ITGA11: variants seen among roughly 807,000 people sequenced by gnomAD.
ITGA11 encodes integrin subunit alpha 11.
Under a neutral mutation model 141.9 loss-of-function variants are expected in ITGA11, and 97 were observed. That is an observed-to-expected ratio of 0.68 (90% CI 0.58 to 0.81). The LOEUF is 0.81. Ranked by LOEUF, ITGA11 falls within the 30% of genes least tolerant of loss-of-function variation. The pLI is 0.00. For missense variants in ITGA11, 1,387 were observed against 1,559.2 expected (o/e 0.89, Z 1.86); for synonymous variants, 658 against 624.6 (o/e 1.05, Z -0.80).
In ITGA11 at chr15:68,304,132, C is replaced by G. The variant is rs1056038511; in HGVS notation, c.3382-247G>C. Among the ~76,000 whole-genome samples, 2 of 152,156 alleles carry G rather than the reference C, an allele frequency of 1.3e-5. No homozygotes were observed. Among genetic ancestry groups the G allele is most frequent in the African/African-American group, 4.8e-5 (2 of 41,444 alleles). On this transcript the variant is annotated intron_variant, in intron 28 of 29. Coordinates refer to ENST00000315757, the MANE Select transcript of ITGA11 (RefSeq NM_001004439.2). The surrounding 1 kb of genome is among the most constrained non-coding windows in gnomAD (Gnocchi z 6.1). ...TCCTTGAGACACTTGCTGCCTTTGGCCTCAGGCCCCCGCCACTCCCTGGAT... is the reference window on the plus strand; with the variant it reads ...TCCTTGAGACACTTGCTGCCTTTGGGCTCAGGCCCCCGCCACTCCCTGGAT...
intron 20 of ITGA11, 102 bp from the exon 21 acceptor site, chr15:68,317,465 G>C (rs527737981): frequency 2.4e-6 from 2 of 818,130 alleles, no homozygotes; most frequent in Admixed American, 3.6e-5. Context: ...TGCAGGGGCC[G>C]CCTCAGCCCC....
chr15:68,361,562 T>G (rs576548649), intron 5 of ITGA11, 28 bp downstream of exon 5: 1 of 1,466,028 alleles, frequency 6.8e-7, no homozygotes, highest in African/African-American at 1.4e-5. Flanking sequence ...ACTGCTCAGC[T>G]TGAGGTTGCA....
At chr15:68,341,615 C>T (rs1057463253) in intron 10 of ITGA11, among the ~76,000 whole-genome samples, 1 of 152,206 alleles carries the variant, frequency 6.6e-6, no homozygotes, top group Non-Finnish European at 1.5e-5. Flanking sequence ...CACCTGAACC[C>T]TCCTGAGGGA....
At position 68,304,444 on chromosome 15, in the gene ITGA11, A is replaced by T. The variant is rs1006806753; in HGVS notation, c.3382-559T>A. On this transcript the variant is annotated intron_variant, in intron 28 of 29. Transcript: ENST00000315757. The surrounding 1 kb of genome is among the most constrained non-coding windows in gnomAD (Gnocchi z 6.1). ...ATAACATTTTTTAATCTTTGTATCAACATGGTTATAAACCATAATTTTAAA... is the reference window on the plus strand; with the variant it reads ...ATAACATTTTTTAATCTTTGTATCATCATGGTTATAAACCATAATTTTAAA... Among the ~76,000 whole-genome samples, 1 of 152,234 alleles carries T rather than the reference A, an allele frequency of 6.6e-6. No individual in the cohort carries two copies. Among genetic ancestry groups the T allele is most frequent in the African/African-American group, 2.4e-5 (1 of 41,462 alleles).
chr15:68,429,987 T>A (rs1467748709), intron 1 of ITGA11, among the ~76,000 whole-genome samples: 1 of 152,056 alleles, frequency 6.6e-6, no homozygotes, highest in Non-Finnish European at 1.5e-5. Context: ...TGCCTCTGTT[T>A]AGCTTTCCCT....
At chr15:68,348,508 A>G (rs1027310648) in intron 10 of ITGA11, among the ~76,000 whole-genome samples, 2 of 152,260 alleles carry the variant, frequency 1.3e-5, no homozygotes, top group Non-Finnish European at 2.9e-5. Context: ...TATTGTCTGT[A>G]GTCCATTCGC....
At chr15:68,337,936 G>A (rs188682989) in intron 11 of ITGA11, among the ~76,000 whole-genome samples, 6 of 152,106 alleles carry the variant, frequency 3.9e-5, no homozygotes, top group South Asian at 2.1e-4. Flanking sequence ...TGGCCCCTGC[G>A]GTGGAGACCT....
intron 2 of ITGA11, among the ~76,000 whole-genome samples, chr15:68,384,265 A>G (rs558021536): frequency 0.11 from 966 of 9,098 alleles, 12 homozygotes; most frequent in African/African-American, 0.22. Flanking sequence ...GTTTGGCATT[A>G]AAAAAAAAAA....
chr15:68,372,259 C>G (rs914334649), intron 2 of ITGA11, among the ~76,000 whole-genome samples: 3 of 152,152 alleles, frequency 2.0e-5, no homozygotes, highest in Non-Finnish European at 4.4e-5. Flanking sequence ...GGATAACTGC[C>G]GAAGCGCAGG....
intron 3 of ITGA11, among the ~76,000 whole-genome samples, chr15:68,368,193 A>G (rs1895486279): frequency 6.6e-6 from 1 of 151,776 alleles, no homozygotes; most frequent in Non-Finnish European, 1.5e-5. Context: ...CCCATCCCCC[A>G]TCTCCCAGGG....
intron 2 of ITGA11, among the ~76,000 whole-genome samples, chr15:68,377,578 A>G (rs80181040): frequency 0.032 from 4,824 of 152,244 alleles, 240 homozygotes; most frequent in African/African-American, 0.097. Context: ...GGCCCGAAGT[A>G]AAACTTGAAA....
rs906683270 is a variant in ITGA11 at position 68,335,515 on chromosome 15, A to G, written c.1425+182T>C. 5.3e-5 allele frequency among the ~76,000 whole-genome samples: 8 copies of G among 152,150 alleles called. No homozygotes were observed. Among genetic ancestry groups the G allele is most frequent in the Admixed American group, 4.6e-4 (7 of 15,282 alleles). Reference sequence around the variant, plus strand: ...AAGCAGCTGGCATCCTGGAGGGCCCATGGGGCCTTCTGTAGGTGGATGCGC... The same window carrying G: ...AAGCAGCTGGCATCCTGGAGGGCCCGTGGGGCCTTCTGTAGGTGGATGCGC... On this transcript the variant is annotated intron_variant, in intron 12 of 29. Coordinates refer to ENST00000315757, the MANE Select transcript of ITGA11 (RefSeq NM_001004439.2). This position sits in a 1 kb window ranked among gnomAD's most constrained non-coding sequence, Gnocchi z 4.9.
intron 2 of ITGA11, among the ~76,000 whole-genome samples, chr15:68,376,893 G>A (rs1293033984): frequency 1.3e-5 from 2 of 152,364 alleles, no homozygotes; most frequent in African/African-American, 2.4e-5. Context: ...CTCAGCCAGT[G>A]TGGGACATGA....
intron 25 of ITGA11, 65 bp downstream of exon 25, chr15:68,311,225 A>G: frequency 7.7e-7 from 1 of 1,301,192 alleles, no homozygotes; most frequent in Non-Finnish European, 1.1e-6. Context: ...CTGGGGACAC[A>G]CGTAGGGGGA....
intron 22 of ITGA11, among the ~76,000 whole-genome samples, chr15:68,314,706 C>A (rs1212056831): frequency 1.3e-5 from 2 of 152,178 alleles, no homozygotes; most frequent in South Asian, 2.1e-4. Context: ...TAGAGCAGGG[C>A]AGAGAGCAAG....
rs1437997414 is a variant in ITGA11, at chr15:68,297,419, C to G, written c.*5640G>C. 7.5e-6 allele frequency: 1 copy of G among 133,694 alleles called. No individual in the cohort carries two copies. Among genetic ancestry groups the G allele is most frequent in the Non-Finnish European group, 1.6e-5 (1 of 64,408 alleles). 8.3% of individuals were successfully genotyped at this position (133,694 alleles called of 1,614,324 possible). On this transcript the variant is annotated 3_prime_UTR_variant, in exon 30 of 30. Transcript: ENST00000315757. ...TAGATTTAGGGACATCTGTACAGTTCTGCACTTCTGAGCTTTTTTTTTTTT... is the reference window on the plus strand; with the variant it reads ...TAGATTTAGGGACATCTGTACAGTTGTGCACTTCTGAGCTTTTTTTTTTTT...
chr15:68,326,215 G>A lies in ITGA11; in HGVS notation c.2211+439C>T, dbSNP rs1893966740. Among the ~76,000 whole-genome samples, 2 of 152,160 alleles carry A rather than the reference G, an allele frequency of 1.3e-5. No homozygotes were observed. The highest frequency in any genetic ancestry group is 2.9e-5 in the Non-Finnish European group (2 of 68,042). ...TTCTCTTCCTTAGCTATAAAATGGG[G>A]CACCAGGCCACTACCCTACTTGTGA... On this transcript the variant is annotated intron_variant, in intron 17 of 29. Coordinates refer to ENST00000315757, the MANE Select transcript of ITGA11 (RefSeq NM_001004439.2). This position sits in a 1 kb window ranked among gnomAD's most constrained non-coding sequence, Gnocchi z 6.8.
At chr15:68,406,691 T>C (rs1896657800) in intron 1 of ITGA11, among the ~76,000 whole-genome samples, 1 of 152,224 alleles carries the variant, frequency 6.6e-6, no homozygotes, top group Admixed American at 6.5e-5. Flanking sequence ...CTCACTGCTC[T>C]ATCCTCAGTG....
intron 2 of ITGA11, among the ~76,000 whole-genome samples, chr15:68,370,472 A>T (rs1895555335): frequency 1.3e-5 from 2 of 152,150 alleles, no homozygotes; most frequent in Admixed American, 1.3e-4. Flanking sequence ...ACCAGAGAGC[A>T]GCCCCATCAC....
Sources: gnomAD v4.1 joint callset for allele counts (sites outside exome capture counted in the v4.1 genomes callset) on GRCh38, gnomAD v4.1.1 for gene constraint, Gnocchi (gnomAD v3.1) non-coding constraint, MANE v1.5 for transcripts, NCBI Gene and HGNC (gene_info 2026-07-23, HGNC 2026-07-21) for gene names.